Variants in BRSK2 observed in about 807,000 individuals in gnomAD.
The protein encoded by BRSK2 is BR serine/threonine kinase 2.
A neutral mutation model predicts 83.3 loss-of-function variants in BRSK2; 19 were observed. The observed-to-expected ratio is 0.23, with a 90% confidence interval of 0.16 to 0.33. BRSK2 has a LOEUF of 0.33. Among genes scored for constraint, BRSK2 ranks in the 10% least tolerant of loss-of-function variants. The pLI, the probability that BRSK2 is intolerant of heterozygous loss-of-function variation, is 1.00. For missense variants in BRSK2, 798 were observed against 1,042.3 expected, an observed-to-expected ratio of 0.77 and a Z score of 3.23; for synonymous variants, 519 against 435.4, an observed-to-expected ratio of 1.19 and a Z score of -2.39.
chr11:1,426,258 C>T (rs1027715747), intron 1 of BRSK2, among the ~76,000 whole-genome samples: 3 of 149,126 alleles, frequency 2.0e-5, no homozygotes, highest in Non-Finnish European at 4.5e-5. Flanking sequence ...GTGTGTGGGG[C>T]GTGCTCCGGG....
At chr11:1,393,388 G>A (rs1352755644) in intron 1 of BRSK2, among the ~76,000 whole-genome samples, 1 of 152,184 alleles carries the variant, frequency 6.6e-6, no homozygotes, top group East Asian at 1.9e-4. Context: ...AGCTGTTCTT[G>A]GGGGCAGGCG....
chr11:1,420,786 C>T (rs1590409046), intron 1 of BRSK2, among the ~76,000 whole-genome samples: 1 of 152,258 alleles, frequency 6.6e-6, no homozygotes, highest in East Asian at 1.9e-4. Flanking sequence ...CTCCTGTCCT[C>T]AGCTCTAGGT....
intron 1 of BRSK2, among the ~76,000 whole-genome samples, chr11:1,401,609 G>A (rs942380079): frequency 2.6e-5 from 4 of 152,254 alleles, no homozygotes; most frequent in Admixed American, 1.3e-4. Flanking sequence ...GCCTCTGCCC[G>A]TCCTCTCTGG....
In BRSK2 at chr11:1,445,384, C is replaced by T. The variant is rs369191818; in HGVS notation, c.903C>T (p.Asp301=). The change falls in exon 10 of 20, where the codon GAC becomes GAT. Residue 301 remains aspartate, a synonymous_variant. Coordinates refer to ENST00000528841, the MANE Select transcript of BRSK2 (RefSeq NM_001256627.2). ...SLPSLEDIDP[D]VLDSMHSLGC... The stretch of plus-strand genomic sequence containing the variant: ...CCAGCCTGGAGGACATCGACCCCGA[C>T]GTGCTGGACAGCATGCACTCACTGG... 176 of 1,611,978 alleles carry T rather than the reference C, an allele frequency of 1.1e-4. No homozygotes were observed. Among genetic ancestry groups the T allele is most frequent in the Admixed American group, 1.5e-4 (9 of 59,960 alleles).
chr11:1,454,447 C>A lies in BRSK2; in HGVS notation c.1545-38C>A. ...GGAGGCAGGGGTGTGGACGGTGCCA[C>A]ACCTCAATCCTCACAGCCTCTGTCT... On this transcript the variant is annotated intron_variant, in intron 15 of 19. Transcript: ENST00000528841. This position sits in a 1 kb window ranked among gnomAD's most constrained non-coding sequence, Gnocchi z 5.2. The A allele has an allele frequency of 1.9e-6, 3 of 1,611,044 alleles. No homozygotes were observed. The highest frequency in any genetic ancestry group is 1.7e-6 in the Non-Finnish European group (2 of 1,178,922).
At chr11:1,433,935 G>A (rs1274797575) in intron 1 of BRSK2, among the ~76,000 whole-genome samples, 6 of 152,226 alleles carry the variant, frequency 3.9e-5, no homozygotes, top group Admixed American at 1.3e-4. Flanking sequence ...TCCCCCACCC[G>A]GCCTGGGCTC....
At chr11:1,448,459 G>T (rs999248567) in intron 12 of BRSK2, among the ~76,000 whole-genome samples, 1 of 152,226 alleles carries the variant, frequency 6.6e-6, no homozygotes, top group Non-Finnish European at 1.5e-5. Context: ...GGCTGGCGCC[G>T]TCTCTCCTGC....
At position 1,454,732 on chromosome 11, in the gene BRSK2, C is replaced by G. The variant is rs55842628; in HGVS notation, c.1668+124C>G. On this transcript the variant is annotated intron_variant, in intron 16 of 19. Coordinates refer to ENST00000528841, the MANE Select transcript of BRSK2 (RefSeq NM_001256627.2). This position sits in a 1 kb window ranked among gnomAD's most constrained non-coding sequence, Gnocchi z 5.2. Reference sequence around the variant, plus strand: ...CGCGCACAGCACGGACGTCCGCTCACCCGTGGGCCTGCCTGGCCGCCTTCA... The same window carrying G: ...CGCGCACAGCACGGACGTCCGCTCAGCCGTGGGCCTGCCTGGCCGCCTTCA... 1 of 1,296,606 alleles carries G rather than the reference C, an allele frequency of 7.7e-7. No individual in the cohort carries two copies. Among genetic ancestry groups the G allele is most frequent in the African/African-American group, 1.5e-5 (1 of 67,992 alleles). The allele number at this position is 1,296,606 out of a possible 1,614,324, so 80.3% of individuals were successfully genotyped here.
Position 1,436,063 on chromosome 11 carries a change from T to G in BRSK2, c.115T>G (p.Cys39Gly). Residue 39 changes from cysteine (C) to glycine (G), a missense_variant, in exon 2 of 20, where the codon TGC (cysteine) becomes GGC (glycine). Cys to Gly is a radical substitution (Grantham distance 159). Around this residue, in one of 6 missense-constraint regions of BRSK2, gnomAD observed 109 missense variants for 259.2 expected, o/e 0.42. Coordinates refer to ENST00000528841, the MANE Select transcript of BRSK2 (RefSeq NM_001256627.2). ...QTGLVKLGVH[C>G]VTCQKVAIKI... ...AGGTCTGGTGAAGCTGGGGGTTCAC[T>G]GCGTCACCTGCCAGAAGGTGGCCAT... is the stretch of plus-strand genomic sequence containing the variant. 6.2e-7 allele frequency: 1 copy of G among 1,606,608 alleles called. No homozygotes were observed. The highest frequency in any genetic ancestry group is 8.5e-7 in the Non-Finnish European group (1 of 1,176,950).
At chr11:1,411,637 C>G in intron 1 of BRSK2, 1 of 1,541,800 alleles carries the variant, frequency 6.5e-7, no homozygotes, top group Admixed American at 1.9e-5. Context: ...CCAGCAGGTG[C>G]GTGCCACGCT....
At position 1,436,116 on chromosome 11, in the gene BRSK2, C is replaced by A; in HGVS notation, c.168C>A (p.Ser56Arg). The A allele has an allele frequency of 7.0e-7, 1 of 1,430,236 alleles. No homozygotes were observed. Among genetic ancestry groups the A allele is most frequent in the Non-Finnish European group, 9.3e-7 (1 of 1,070,588 alleles). The allele number at this position is 1,430,236 out of a possible 1,614,324, so 88.6% of individuals were successfully genotyped here. ...AGATCGTCAACCGTGAGAAGCTCAG[C>A]GAGTCGGTGCTGATGAAGGTGGGTG... Reference protein sequence around the residue: ...AIKIVNREKLSESVLMKVERE... With the variant: ...AIKIVNREKLRESVLMKVERE... The change falls in exon 2 of 20, where the codon AGC becomes AGA. Residue 56 changes from serine to arginine, a missense_variant. Ser to Arg is a moderately radical substitution (Grantham distance 110, BLOSUM62 -1). Around this residue, in one of 6 missense-constraint regions of BRSK2, gnomAD observed 109 missense variants for 259.2 expected, o/e 0.42. Transcript: ENST00000528841.
Position 1,454,788 on chromosome 11 carries a change from G to A in BRSK2, c.1668+180G>A, listed in dbSNP as rs1030245761. On this transcript the variant is annotated intron_variant, in intron 16 of 19. Coordinates refer to ENST00000528841, the MANE Select transcript of BRSK2 (RefSeq NM_001256627.2). This position sits in a 1 kb window ranked among gnomAD's most constrained non-coding sequence, Gnocchi z 5.2. ...CAGGCGCTCTCTCCTGCCCACCCTCGTGAGGGAGGGGTCACTGCCCATCTG... is the reference window on the plus strand; with the variant it reads ...CAGGCGCTCTCTCCTGCCCACCCTCATGAGGGAGGGGTCACTGCCCATCTG... 6.6e-6 allele frequency among the ~76,000 whole-genome samples: 1 copy of A among 152,184 alleles called. No individual in the cohort carries two copies. The highest frequency in any genetic ancestry group is 1.5e-5 in the Non-Finnish European group (1 of 68,034).
intron 1 of BRSK2, among the ~76,000 whole-genome samples, chr11:1,414,470 A>G (rs1414593555): frequency 1.3e-5 from 2 of 152,224 alleles, no homozygotes; most frequent in Admixed American, 1.3e-4. Flanking sequence ...GGAGCCTCAG[A>G]GTATGCTAAG....
intron 1 of BRSK2, among the ~76,000 whole-genome samples, chr11:1,394,802 T>C (rs1171357072): frequency 1.7e-5 from 1 of 57,804 alleles, no homozygotes. Context: ...TGGAGATGGG[T>C]CCTGGAGATG....
At chr11:1,422,640 T>G (rs1848746720) in intron 1 of BRSK2, among the ~76,000 whole-genome samples, 1 of 152,126 alleles carries the variant, frequency 6.6e-6, no homozygotes, top group South Asian at 2.1e-4. Context: ...GAAGACCTGC[T>G]TCCAAGGACA....
intron 1 of BRSK2, among the ~76,000 whole-genome samples, chr11:1,407,839 G>A (rs961212019): frequency 1.1e-4 from 17 of 152,224 alleles, no homozygotes; most frequent in African/African-American, 3.9e-4. Context: ...AGTGTGGGGC[G>A]GGCCCGGCAG....
chr11:1,403,501 C>G (rs750158079), intron 1 of BRSK2, among the ~76,000 whole-genome samples: 1 of 152,218 alleles, frequency 6.6e-6, no homozygotes, highest in Non-Finnish European at 1.5e-5. Flanking sequence ...CAGGAGGCCA[C>G]GAAACCCGCA....
intron 4 of BRSK2, among the ~76,000 whole-genome samples, chr11:1,442,265 G>A (rs527801906): frequency 4.7e-4 from 71 of 152,186 alleles, no homozygotes; most frequent in African/African-American, 1.6e-3. Flanking sequence ...GTGCAGGAGG[G>A]CATGGCAGGA....
In BRSK2 at chr11:1,454,677, C is replaced by G. The variant is rs907620395; in HGVS notation, c.1668+69C>G. ...CCCACACGGCCCAGCCCCGAGAATC[C>G]AGCCTCCTCACGTAGACAGGACATG... is the stretch of plus-strand genomic sequence containing the variant. On this transcript the variant is annotated intron_variant, in intron 16 of 19. Transcript: ENST00000528841. This position sits in a 1 kb window ranked among gnomAD's most constrained non-coding sequence, Gnocchi z 5.2. 16 of 1,581,048 alleles carry G rather than the reference C, an allele frequency of 1.0e-5. No individual in the cohort carries two copies. Among genetic ancestry groups the G allele is most frequent in the Non-Finnish European group, 1.3e-5 (15 of 1,160,096 alleles).
Sources: allele counts gnomAD v4.1 joint callset (sites outside exome capture counted in the v4.1 genomes callset), GRCh38; gene constraint gnomAD v4.1.1; regional missense constraint gnomAD v4.1.1; non-coding constraint Gnocchi (gnomAD v3.1); transcripts MANE v1.5; gene names NCBI Gene and HGNC (gene_info 2026-07-23, HGNC 2026-07-21).